The following F13A1 variants were observed in gnomAD, a reference collection of about 807,000 sequenced individuals.
F13A1 encodes the protein FSF, A subunit.
F13A1 carries 47 observed loss-of-function variants against 80.1 expected under a neutral mutation model. That is an observed-to-expected ratio of 0.59 (90% CI 0.46 to 0.75). The LOEUF is 0.75. Among genes scored for constraint, F13A1 ranks in the 30% least tolerant of loss-of-function variants. The probability of loss-of-function intolerance (pLI) is 0.00; values close to 1 mark genes in which losing one functional copy is unlikely to be tolerated. For missense variants in F13A1, 817 were observed against 930.4 expected, an observed-to-expected ratio of 0.88 and a Z score of 1.59; for synonymous variants, 349 against 344.9, an observed-to-expected ratio of 1.01 and a Z score of -0.13.
intron 6 of F13A1, among the ~76,000 whole-genome samples, chr6:6,237,511 T>C (rs1351773800): frequency 1.3e-5 from 2 of 152,142 alleles, no homozygotes; most frequent in African/African-American, 4.8e-5. Flanking sequence ...GTTTTCTGCC[T>C]TGTTGTTGCT....
intron 6 of F13A1, among the ~76,000 whole-genome samples, chr6:6,227,567 T>C (rs1322431863): frequency 1.3e-5 from 2 of 152,202 alleles, no homozygotes; most frequent in Admixed American, 6.5e-5. Flanking sequence ...ATCGTGAAGA[T>C]TGAAGAATGC....
chr6:6,258,913 G>A (rs140224782), intron 4 of F13A1, among the ~76,000 whole-genome samples: 17 of 152,202 alleles, frequency 1.1e-4, no homozygotes, highest in East Asian at 7.7e-4. Flanking sequence ...CAAATAGGTC[G>A]GAGTCCCCAG....
chr6:6,250,857 T>G lies in F13A1; in HGVS notation c.644A>C (p.Tyr215Ser). ...YVLNDIGVIF[Y>S]GEVNDIKTRS... ...GGTCTTGATGTCATTGACCTCTCCA[T>G]AAAAAATTACCCCGATGTCATTCAG... Residue 215 changes from tyrosine to serine, a missense_variant, in exon 5 of 15, where the codon TAT (tyrosine) becomes TCT (serine). Tyr to Ser is a moderately radical substitution (Grantham distance 144). Coordinates refer to ENST00000264870, the MANE Select transcript of F13A1 (RefSeq NM_000129.4). This position sits in a 1 kb window ranked among gnomAD's most constrained non-coding sequence, Gnocchi z 4.2. 1 of 1,613,740 alleles carries G rather than the reference T, an allele frequency of 6.2e-7. No homozygotes were observed. Among genetic ancestry groups the G allele is most frequent in the South Asian group, 1.1e-5 (1 of 91,076 alleles).
chr6:6,296,574 T>C (rs1227039028), intron 3 of F13A1, among the ~76,000 whole-genome samples: 7 of 150,914 alleles, frequency 4.6e-5, no homozygotes, highest in Non-Finnish European at 1.0e-4. Flanking sequence ...TAAGAATGCT[T>C]GTGATTTTTG....
At chr6:6,312,031 A>T (rs2815819) in intron 2 of F13A1, among the ~76,000 whole-genome samples, 85,647 of 147,408 alleles carry the variant, frequency 0.58, 26,220 homozygotes, top group East Asian at 0.85. Context: ...CAAACTTTTT[A>T]TATATATATA....
intron 11 of F13A1, 53 bp from the exon 12 acceptor site, chr6:6,174,920 AAGTCAC>A: frequency 6.2e-7 from 1 of 1,607,066 alleles, no homozygotes; most frequent in Middle Eastern, 1.7e-4. Context: ...ACCAGAGAGA[AAGTCAC>A]ATTAATGGAT....
In F13A1 at chr6:6,145,287, C is replaced by A; in HGVS notation, c.*332G>T. The A allele has an allele frequency of 2.8e-6, 1 of 359,378 alleles. No individual in the cohort carries two copies. The highest frequency in any genetic ancestry group is 5.4e-6 in the Non-Finnish European group (1 of 186,614). 22.3% of individuals were successfully genotyped at this position (359,378 alleles called of 1,614,324 possible). A position where few individuals can be genotyped will look rare whatever the true frequency, so the allele number is the denominator to read the frequency against. ...ATGAGGCCAGGTATTGAGCAAATCTCCCTGGTAAGAGAGCCCACTGATATT... is the reference window on the plus strand; with the variant it reads ...ATGAGGCCAGGTATTGAGCAAATCTACCTGGTAAGAGAGCCCACTGATATT... On this transcript the variant is annotated 3_prime_UTR_variant, in exon 15 of 15. Transcript: ENST00000264870.
chr6:6,157,995 A>G (rs1213230550), intron 13 of F13A1, among the ~76,000 whole-genome samples: 1 of 152,170 alleles, frequency 6.6e-6, no homozygotes, highest in Admixed American at 6.5e-5. Flanking sequence ...GACATAGTTT[A>G]CGATCATCTA....
At position 6,275,174 on chromosome 6, in the gene F13A1, G is replaced by A. The variant is rs78615404; in HGVS notation, c.320-8365C>T. 2.6e-4 allele frequency among the ~76,000 whole-genome samples: 40 copies of A among 152,222 alleles called. 1 individual carries two copies. In the East Asian group the frequency reaches 7.7e-3, roughly 29 times the overall value. ...GTGCTGAAGTGCTCAAGGGAGGCAT[G>A]ATGGTGTCTTTGACTGACTCTCGGG... On this transcript the variant is annotated intron_variant, in intron 3 of 14. Transcript: ENST00000264870.
intron 3 of F13A1, among the ~76,000 whole-genome samples, chr6:6,272,995 A>G (rs1398769291): frequency 6.6e-6 from 1 of 152,124 alleles, no homozygotes. Context: ...GCATTCCTCC[A>G]CTTGCTTTCT....
intron 14 of F13A1, among the ~76,000 whole-genome samples, chr6:6,147,119 A>G (rs1006111164): frequency 6.6e-6 from 1 of 152,238 alleles, no homozygotes; most frequent in African/African-American, 2.4e-5. Flanking sequence ...ATGCAAAGGC[A>G]TAACAATGAA....
chr6:6,252,613 A>G (rs990859140), intron 4 of F13A1, among the ~76,000 whole-genome samples: 2 of 152,316 alleles, frequency 1.3e-5, no homozygotes, highest in African/African-American at 4.8e-5. Context: ...TCATTGTGCT[A>G]CTCTTTCTGC....
rs1335679388 is a variant in F13A1 at position 6,190,771 on chromosome 6, T to C, written c.1305+5026A>G. Reference sequence around the variant, plus strand: ...CTCCACCCAGTTCGAGCTTCCTGGCTGCTTTGTTTACCTAAGCAAGCCTGG... The same window carrying C: ...CTCCACCCAGTTCGAGCTTCCTGGCCGCTTTGTTTACCTAAGCAAGCCTGG... On this transcript the variant is annotated intron_variant, in intron 10 of 14. Transcript: ENST00000264870. Among the ~76,000 whole-genome samples, 15 of 152,272 alleles carry C rather than the reference T, an allele frequency of 9.9e-5. No individual in the cohort carries two copies. In the East Asian group the frequency reaches 1.7e-3, roughly 18 times the overall value.
chr6:6,211,791 C>G (rs1173700703), intron 8 of F13A1, among the ~76,000 whole-genome samples: 2 of 152,212 alleles, frequency 1.3e-5, no homozygotes, highest in African/African-American at 4.8e-5. Flanking sequence ...TAGGGAGTGC[C>G]AGACAGTGGG....
chr6:6,268,735 C>A (rs1202238717), intron 3 of F13A1, among the ~76,000 whole-genome samples: 1 of 148,724 alleles, frequency 6.7e-6, no homozygotes, highest in Non-Finnish European at 1.5e-5. Flanking sequence ...GCCACCCAGG[C>A]TGGAGTGCAG....
At chr6:6,241,180 G>T (rs1388951198) in intron 6 of F13A1, among the ~76,000 whole-genome samples, 1 of 152,208 alleles carries the variant, frequency 6.6e-6, no homozygotes, top group Non-Finnish European at 1.5e-5. Context: ...TAGGGTTGGA[G>T]ACCCAGAAGC....
At chr6:6,168,203 C>CG (rs1233119929) in intron 12 of F13A1, among the ~76,000 whole-genome samples, 1 of 152,192 alleles carries the variant, frequency 6.6e-6, no homozygotes, top group African/African-American at 2.4e-5. Context: ...CAACTATCTC[C>CG]GAACCTCTGT....
chr6:6,151,586 T>A (rs3024459), intron 14 of F13A1, among the ~76,000 whole-genome samples: 1 of 152,072 alleles, frequency 6.6e-6, no homozygotes, highest in Non-Finnish European at 1.5e-5. Flanking sequence ...AGAAGGGAGA[T>A]AATAGCAGTA....
chr6:6,165,657 CA>C (rs1283925916), intron 13 of F13A1, among the ~76,000 whole-genome samples: 2 of 152,228 alleles, frequency 1.3e-5, no homozygotes, highest in African/African-American at 4.8e-5. Context: ...AGGCCTGCAG[CA>C]GGGGGTCCCA....
Sources: allele counts gnomAD v4.1 joint callset (sites outside exome capture counted in the v4.1 genomes callset), GRCh38; gene constraint gnomAD v4.1.1; non-coding constraint Gnocchi (gnomAD v3.1); transcripts MANE v1.5; gene names NCBI Gene and HGNC (gene_info 2026-07-23, HGNC 2026-07-21).